Variants in CELF4 observed in about 807,000 individuals in gnomAD.
CELF4 encodes the protein CUG-BP- and ETR-3-like factor 4.
A neutral mutation model predicts 59.9 loss-of-function variants in CELF4; 18 were observed. The ratio of observed to expected loss-of-function variants is 0.30; its 90% CI spans 0.21 to 0.45. CELF4 has a LOEUF of 0.45. Among genes scored for constraint, CELF4 ranks in the 20% least tolerant of loss-of-function variants. The pLI is 1.00. For missense variants in CELF4, 456 were observed against 689.0 expected (o/e 0.66, Z 3.79); for synonymous variants, 261 against 267.1 (o/e 0.98, Z 0.22).
At chr18:37,416,887 C>G (rs1201110264) in intron 2 of CELF4, among the ~76,000 whole-genome samples, 1 of 151,878 alleles carries the variant, frequency 6.6e-6, no homozygotes, top group African/African-American at 2.4e-5. Context: ...GTGGTAGCAT[C>G]TCTCTGGGGA....
intron 2 of CELF4, among the ~76,000 whole-genome samples, chr18:37,481,988 G>A (rs1310457459): frequency 6.6e-6 from 1 of 152,244 alleles, no homozygotes; most frequent in East Asian, 1.9e-4. Flanking sequence ...TAGGTAAAGT[G>A]CTTGGCATCA....
chr18:37,299,805 C>T (rs1171932629), intron 3 of CELF4, among the ~76,000 whole-genome samples: 2 of 152,196 alleles, frequency 1.3e-5, no homozygotes, highest in African/African-American at 4.8e-5. Flanking sequence ...GCCCTGTGCT[C>T]CCATGCTTTT....
intron 2 of CELF4, among the ~76,000 whole-genome samples, chr18:37,465,595 G>A (rs1013764827): frequency 6.6e-6 from 1 of 152,256 alleles, no homozygotes; most frequent in African/African-American, 2.4e-5. Context: ...GTTGACTGTG[G>A]GCCCACTGTG....
At chr18:37,459,286 C>G (rs1405984343) in intron 2 of CELF4, among the ~76,000 whole-genome samples, 1 of 152,206 alleles carries the variant, frequency 6.6e-6, no homozygotes, top group East Asian at 1.9e-4. Flanking sequence ...ACACTGGCTC[C>G]ATGCTTAGAC....
chr18:37,281,964 A>G (rs1268331790), intron 3 of CELF4, among the ~76,000 whole-genome samples: 1 of 152,174 alleles, frequency 6.6e-6, no homozygotes, highest in Non-Finnish European at 1.5e-5. Context: ...ACTCAACAGG[A>G]GGGCCAGGCC....
At chr18:37,390,802 C>A (rs867319211) in intron 2 of CELF4, among the ~76,000 whole-genome samples, 2 of 57,842 alleles carry the variant, frequency 3.5e-5, no homozygotes, top group African/African-American at 9.0e-5. Flanking sequence ...GGTGATGGGG[C>A]GGGGAGGGGG....
chr18:37,431,140 G>C (rs1039721887), intron 2 of CELF4, among the ~76,000 whole-genome samples: 1 of 152,142 alleles, frequency 6.6e-6, no homozygotes, highest in African/African-American at 2.4e-5. Flanking sequence ...CCTCTGTCTG[G>C]GGACAGCTCT....
intron 3 of CELF4, among the ~76,000 whole-genome samples, chr18:37,286,187 A>G (rs530895574): frequency 6.6e-6 from 1 of 152,150 alleles, no homozygotes; most frequent in South Asian, 2.1e-4. Flanking sequence ...TGGTGTTAAA[A>G]GCTTCTCATT....
In CELF4 at chr18:37,258,500, C is replaced by T. The variant is rs150024942; in HGVS notation, c.1333+681G>A. Among the ~76,000 whole-genome samples, 3 of 152,312 alleles carry T rather than the reference C, an allele frequency of 2.0e-5. No homozygotes were observed. The East Asian group carries it at 5.8e-4, about 29-fold the overall frequency. On this transcript the variant is annotated intron_variant, in intron 11 of 12. Transcript: ENST00000420428. ...TATAAACATAATTTTCATCTAAGCTCAGCGCTTAGGCTTCCTGAGGGCAGG... is the reference window on the plus strand; with the variant it reads ...TATAAACATAATTTTCATCTAAGCTTAGCGCTTAGGCTTCCTGAGGGCAGG...
chr18:37,524,405 T>C (rs1652683273), intron 1 of CELF4, among the ~76,000 whole-genome samples: 1 of 152,178 alleles, frequency 6.6e-6, no homozygotes, highest in South Asian at 2.1e-4. Flanking sequence ...CTGTCTCTGT[T>C]TGCCTCCTCC....
intron 2 of CELF4, among the ~76,000 whole-genome samples, chr18:37,455,534 C>T (rs750808838): frequency 2.0e-5 from 3 of 152,210 alleles, no homozygotes; most frequent in Non-Finnish European, 4.4e-5. Context: ...CCTCTCTTTC[C>T]AGGCCCATAA....
intron 2 of CELF4, among the ~76,000 whole-genome samples, chr18:37,339,995 G>T (rs1278611109): frequency 6.6e-6 from 1 of 152,138 alleles, no homozygotes; most frequent in Admixed American, 6.5e-5. Context: ...TGCCATCAGC[G>T]CATTAATCCT....
At chr18:37,416,799 C>G (rs533141389) in intron 2 of CELF4, among the ~76,000 whole-genome samples, 15 of 152,288 alleles carry the variant, frequency 9.8e-5, no homozygotes, top group African/African-American at 3.1e-4. Flanking sequence ...CCTGTTGCAT[C>G]TGTCCTGTGT....
intron 2 of CELF4, among the ~76,000 whole-genome samples, chr18:37,444,511 G>A (rs2099742301): frequency 6.6e-6 from 1 of 151,944 alleles, no homozygotes. Context: ...AGGCTCCAAA[G>A]ATTCCCACTG....
chr18:37,387,409 G>A (rs964889739), intron 2 of CELF4, among the ~76,000 whole-genome samples: 8 of 152,200 alleles, frequency 5.3e-5, no homozygotes, highest in African/African-American at 7.2e-5. Context: ...AGAACCACAC[G>A]CAGCCAACTG....
chr18:37,441,703 G>T (rs1439980643), intron 2 of CELF4, among the ~76,000 whole-genome samples: 1 of 151,934 alleles, frequency 6.6e-6, no homozygotes, highest in Non-Finnish European at 1.5e-5. Context: ...AAACAGAAGG[G>T]GACACCTATC....
intron 2 of CELF4, among the ~76,000 whole-genome samples, chr18:37,392,238 G>T (rs192930449): frequency 1.3e-5 from 2 of 152,208 alleles, no homozygotes; most frequent in African/African-American, 2.4e-5. Context: ...GCTCCGTCAC[G>T]GAGAGAAGAC....
At chr18:37,347,787 G>T (rs775904123) in intron 2 of CELF4, among the ~76,000 whole-genome samples, 1 of 152,178 alleles carries the variant, frequency 6.6e-6, no homozygotes, top group Non-Finnish European at 1.5e-5. Flanking sequence ...GCAGGTGAGA[G>T]GCCAGAAGCC....
intron 2 of CELF4, among the ~76,000 whole-genome samples, chr18:37,431,437 A>G (rs1292796066): frequency 7.5e-6 from 1 of 133,246 alleles, no homozygotes; most frequent in African/African-American, 2.9e-5. Flanking sequence ...GTGCAATCTC[A>G]GCTCACTGCA....
Sources: gnomAD v4.1 joint callset for allele counts (sites outside exome capture counted in the v4.1 genomes callset) on GRCh38, gnomAD v4.1.1 for gene constraint, MANE v1.5 for transcripts, NCBI Gene and HGNC (gene_info 2026-07-23, HGNC 2026-07-21) for gene names.